STRA8: variants seen among roughly 807,000 people sequenced by gnomAD.
The protein encoded by STRA8 is stimulated by retinoic acid 8.
STRA8 carries 18 observed loss-of-function variants against 37.1 expected under a neutral mutation model. That is an observed-to-expected ratio of 0.48 (90% CI 0.34 to 0.72). STRA8 has a LOEUF of 0.72. STRA8 is among the 30% of genes least tolerant of loss of function. The pLI, the probability that STRA8 is intolerant of heterozygous loss-of-function variation, is 0.01. For synonymous variants in STRA8, 168 were observed against 162.9 expected (o/e 1.03, Z -0.24); for missense variants, 357 against 410.4 (o/e 0.87, Z 1.13).
At chr7:135,234,339 C>T (rs112654694) in intron 1 of STRA8, among the ~76,000 whole-genome samples, 7 of 152,244 alleles carry the variant, frequency 4.6e-5, no homozygotes, top group African/African-American at 9.6e-5. Context: ...GAACTCCTGA[C>T]CTCAGGTGAT....
At position 135,250,837 on chromosome 7, in the gene STRA8, C is replaced by T. The variant is rs12669845; in HGVS notation, c.880-959C>T. Among the ~76,000 whole-genome samples, 2,591 of 152,232 alleles carry T rather than the reference C, an allele frequency of 0.017. 282 individuals carry two copies. The East Asian group carries it at 0.31, about 18-fold the overall frequency. ...AAATTCAAAATGTAACTAGGCATCC[C>T]GTATTTGTATTTGCTAAATCTGGCA... On this transcript the variant is annotated intron_variant, in intron 6 of 8. Transcript: ENST00000662584.
chr7:135,245,469 A>T lies in STRA8; in HGVS notation c.535A>T (p.Lys179Ter). 1.4e-6 allele frequency: 1 copy of T among 705,714 alleles called. No homozygotes were observed. The highest frequency in any genetic ancestry group is 2.6e-6 in the Non-Finnish European group (1 of 385,392). 43.7% of individuals were successfully genotyped at this position (705,714 alleles called of 1,614,324 possible). The change falls in exon 5 of 9, where the codon AAA becomes TAA. Residue 179 changes from lysine (K) to a stop codon, truncating the protein, a stop_gained. Coordinates refer to ENST00000662584, the MANE Select transcript of STRA8 (RefSeq NM_001394401.1). LOFTEE classifies it high-confidence loss of function. Reference sequence around the variant, plus strand: ...GGAAGAGGAGGAGGAGGAAGAGGAGAAAAAAGTGATCTTATACTCCCCAGG... The same window carrying T: ...GGAAGAGGAGGAGGAGGAAGAGGAGTAAAAAGTGATCTTATACTCCCCAGG... ...EEEEEEEEEE[K>*]KVILYSPGTL... is the part of the protein sequence containing the mutation.
Position 135,246,680 on chromosome 7 carries a change from C to T in STRA8, c.857C>T (p.Ser286Leu). The T allele has an allele frequency of 2.0e-6, 3 of 1,528,454 alleles. No homozygotes were observed. Among genetic ancestry groups the T allele is most frequent in the Admixed American group, 2.0e-5 (1 of 48,794 alleles). The allele number at this position is 1,528,454 out of a possible 1,614,324, so 94.7% of individuals were successfully genotyped here. A position where few individuals can be genotyped will look rare whatever the true frequency, so the allele number is the denominator to read the frequency against. ...SGVDSQGASCSLVSTPEEILF... is the reference protein window; with the variant it reads ...SGVDSQGASCLLVSTPEEILF... ...GTGGACAGCCAGGGGGCCAGCTGCT[C>T]GCTGGTCTCCACGCCCGAGGAGGTG... Residue 286 changes from serine (S) to leucine (L), a missense_variant, in exon 6 of 9, where the codon TCG becomes TTG. Transcript: ENST00000662584. The surrounding 1 kb of genome is among the most constrained non-coding windows in gnomAD (Gnocchi z 5.4).
intron 7 of STRA8, among the ~76,000 whole-genome samples, chr7:135,254,766 G>A (rs933468876): frequency 6.6e-6 from 1 of 152,198 alleles, no homozygotes; most frequent in East Asian, 1.9e-4. Context: ...GATGTGCGGC[G>A]TGCTCCAGAG....
chr7:135,237,388 G>C (rs1027614809), intron 1 of STRA8, among the ~76,000 whole-genome samples: 3 of 152,200 alleles, frequency 2.0e-5, no homozygotes, highest in Admixed American at 2.0e-4. Context: ...ATCACTTCTT[G>C]ATCTCATTTT....
intron 7 of STRA8, among the ~76,000 whole-genome samples, chr7:135,254,790 C>T (rs1832681949): frequency 6.6e-6 from 1 of 152,204 alleles, no homozygotes; most frequent in Non-Finnish European, 1.5e-5. Flanking sequence ...CCTCAGCAGC[C>T]ACAGTGGAAC....
Position 135,246,498 on chromosome 7 carries a change from C to G in STRA8, c.675C>G (p.Ile225Met). 1 of 1,578,378 alleles carries G rather than the reference C, an allele frequency of 6.3e-7. No individual in the cohort carries two copies. Among genetic ancestry groups the G allele is most frequent in the South Asian group, 1.2e-5 (1 of 86,414 alleles). The change falls in exon 6 of 9, where the codon ATC (isoleucine) becomes ATG (methionine). Residue 225 changes from isoleucine to methionine, a missense_variant. Coordinates refer to ENST00000662584, the MANE Select transcript of STRA8 (RefSeq NM_001394401.1). The surrounding 1 kb of genome is among the most constrained non-coding windows in gnomAD (Gnocchi z 5.4). ...IITPQEAALP[I>M]VSAAISHLWQ... ...CCCCGCAGGAGGCGGCGCTGCCCAT[C>G]GTCTCCGCGGCCATCTCCCACCTGT...
chr7:135,254,786 C>T (rs1461179373), intron 7 of STRA8, among the ~76,000 whole-genome samples: 2 of 152,250 alleles, frequency 1.3e-5, no homozygotes, highest in African/African-American at 4.8e-5. Flanking sequence ...GCTGCCTCAG[C>T]AGCCACAGTG....
At position 135,240,499 on chromosome 7, in the gene STRA8, AGC is replaced by A; in HGVS notation, c.-6-19_-6-18del. On this transcript the variant is annotated intron_variant, in intron 1 of 8. Coordinates refer to ENST00000662584, the MANE Select transcript of STRA8 (RefSeq NM_001394401.1). ...TTTTATTATCTAGGGCAAAAAAAAA[AGC>A]ATACTATTACATTACAGCTTATAAT... 2.5e-6 allele frequency: 4 copies of A among 1,596,760 alleles called. No homozygotes were observed. Among genetic ancestry groups the A allele is most frequent in the Admixed American group, 3.5e-5 (2 of 57,192 alleles).
Position 135,251,909 on chromosome 7 carries a change from G to A in STRA8, c.953+40G>A, listed in dbSNP as rs1442809619. On this transcript the variant is annotated intron_variant, in intron 7 of 8. Coordinates refer to ENST00000662584, the MANE Select transcript of STRA8 (RefSeq NM_001394401.1). ...GTGAGATAGCATGTGCCCCTGTGTG[G>A]GTGGATGTGAGATTGTGTGTGCGCA... 5.0e-6 allele frequency: 8 copies of A among 1,594,336 alleles called. No homozygotes were observed. The Admixed American group carries it at 1.3e-4, about 27-fold the overall frequency.
rs751184856 is a variant in STRA8 at position 135,240,532 on chromosome 7, C to A, written c.8C>A (p.Thr3Asn). 5 of 1,613,736 alleles carry A rather than the reference C, an allele frequency of 3.1e-6. No individual in the cohort carries two copies. The South Asian group carries it at 5.5e-5, about 18-fold the overall frequency. The change falls in exon 2 of 9, where the codon ACC becomes AAC. Residue 3 changes from threonine (T) to asparagine (N), a missense_variant. Transcript: ENST00000662584. The stretch of plus-strand genomic sequence containing the variant: ...ATTACATTACAGCTTATAATGGCAA[C>A]CCCTGAAGAAAACAGCAATCCCCAT... MA[T>N]PEENSNPHDR...
intron 8 of STRA8, among the ~76,000 whole-genome samples, chr7:135,256,886 G>A (rs1832710897): frequency 6.6e-6 from 1 of 152,132 alleles, no homozygotes; most frequent in African/African-American, 2.4e-5. Flanking sequence ...TGCAAGAACG[G>A]GCCCCAGAAA....
In STRA8 at chr7:135,240,622, G is replaced by A. The variant is rs373793185; in HGVS notation, c.98G>A (p.Arg33Gln). The A allele has an allele frequency of 6.2e-6, 10 of 1,614,054 alleles. No individual in the cohort carries two copies. The East Asian group carries it at 8.9e-5, about 14-fold the overall frequency. ...CTTGAGCATCGGGTGGCCCGGAGAC[G>A]GCTGTCCCAGGCCCGCCACCGAGCC... ...QELEHRVARR[R>Q]LSQARHRATL... Residue 33 changes from arginine (R) to glutamine (Q), a missense_variant, in exon 2 of 9, where the codon CGG becomes CAG. Physicochemically the swap from Arg to Gln is conservative, Grantham distance 43. Transcript: ENST00000662584.
At chr7:135,232,129 G>T, upstream of STRA8, 1 of 1,188,656 alleles carries the variant, frequency 8.4e-7, no homozygotes, top group Non-Finnish European at 1.3e-6. Flanking sequence ...TGGGGCGGGA[G>T]GTGGGGTGAC....
intron 6 of STRA8, among the ~76,000 whole-genome samples, chr7:135,250,737 T>C (rs1832624367): frequency 6.6e-6 from 1 of 152,234 alleles, no homozygotes; most frequent in South Asian, 2.1e-4. Flanking sequence ...CATGCCCAGT[T>C]CAATTTTTAA....
At chr7:135,247,208 T>G (rs1832574279) in intron 6 of STRA8, 1 of 152,678 alleles carries the variant, frequency 6.5e-6, no homozygotes, top group Non-Finnish European at 1.5e-5. Context: ...GTTAGTTTCC[T>G]GGCCTTTCCC....
intron 7 of STRA8, among the ~76,000 whole-genome samples, chr7:135,252,542 A>T (rs577035709): frequency 8.5e-5 from 13 of 152,230 alleles, no homozygotes; most frequent in Admixed American, 8.5e-4. Flanking sequence ...TGGTCCTAGG[A>T]TTGTGTCATT....
chr7:135,242,867 A>C lies in STRA8; in HGVS notation c.268+11A>C, dbSNP rs369296509. The C allele has an allele frequency of 5.6e-6, 9 of 1,613,878 alleles. No individual in the cohort carries two copies. In the African/African-American group the frequency reaches 1.1e-4, roughly 19 times the overall value. On this transcript the variant is annotated intron_variant, in intron 3 of 8. Transcript: ENST00000662584. Reference sequence around the variant, plus strand: ...TGCTGAAGCTGAAAGGTAATGGAGCACTACTTGCCAACCCCATCTCCCTCC... The same window carrying C: ...TGCTGAAGCTGAAAGGTAATGGAGCCCTACTTGCCAACCCCATCTCCCTCC...
intron 8 of STRA8, among the ~76,000 whole-genome samples, chr7:135,257,162 T>C (rs939046420): frequency 2.0e-5 from 3 of 152,160 alleles, no homozygotes; most frequent in African/African-American, 7.2e-5. Flanking sequence ...GTGGAGGTCG[T>C]CCCCACTATG....
Sources: gnomAD v4.1 joint callset for allele counts (sites outside exome capture counted in the v4.1 genomes callset) on GRCh38, gnomAD v4.1.1 for gene constraint, Gnocchi (gnomAD v3.1) non-coding constraint, MANE v1.5 for transcripts, NCBI Gene and HGNC (gene_info 2026-07-23, HGNC 2026-07-21) for gene names.